Variants in PRKG1 observed in about 807,000 individuals in gnomAD.
PRKG1 encodes the protein cGMP-dependent protein kinase 1.
A neutral mutation model predicts 88.1 loss-of-function variants in PRKG1; 35 were observed. The ratio of observed to expected loss-of-function variants is 0.40; its 90% CI spans 0.30 to 0.53. The LOEUF is 0.53. PRKG1 is among the 20% of genes least tolerant of loss of function. The pLI is 0.59. For missense variants in PRKG1, 540 were observed against 839.8 expected, an observed-to-expected ratio of 0.64 and a Z score of 4.41; for synonymous variants, 303 against 292.5, an observed-to-expected ratio of 1.04 and a Z score of -0.37.
intron 3 of PRKG1, among the ~76,000 whole-genome samples, chr10:51,693,839 A>AT (rs1841212275): frequency 6.6e-6 from 1 of 152,182 alleles, no homozygotes; most frequent in Admixed American, 6.5e-5. Flanking sequence ...GTGAAGGTGA[A>AT]TTTTCAACCA....
At chr10:51,601,246 T>G (rs149876900) in intron 3 of PRKG1, among the ~76,000 whole-genome samples, 2 of 152,126 alleles carry the variant, frequency 1.3e-5, no homozygotes, top group Non-Finnish European at 2.9e-5. Context: ...CATATATTTA[T>G]TGAATGAATG....
chr10:51,037,690 G>C (rs1043320320), intron 1 of PRKG1, among the ~76,000 whole-genome samples: 9 of 152,010 alleles, frequency 5.9e-5, no homozygotes, highest in Non-Finnish European at 2.9e-5. Flanking sequence ...GGCTGAGGCA[G>C]GTGAATAGCT....
In PRKG1 at chr10:51,807,735, G is replaced by A. The variant is rs1052932323; in HGVS notation, c.698+3045G>A. Among the ~76,000 whole-genome samples the A allele has an allele frequency of 5.3e-5, 8 of 152,212 alleles. No individual in the cohort carries two copies. The South Asian group carries it at 1.0e-3, about 20-fold the overall frequency. The stretch of plus-strand genomic sequence containing the variant: ...CTTTGGAATGAGAATCTTAATTTCT[G>A]CATGACAGCTGTCAAACAGAAAAGC... On this transcript the variant is annotated intron_variant, in intron 4 of 17. Coordinates refer to ENST00000373980, the MANE Select transcript of PRKG1 (RefSeq NM_006258.4).
At chr10:52,235,434 A>T (rs1267783162) in intron 9 of PRKG1, among the ~76,000 whole-genome samples, 1 of 143,866 alleles carries the variant, frequency 7.0e-6, no homozygotes, top group Non-Finnish European at 1.5e-5. Flanking sequence ...TCACGTGCAG[A>T]GACACACATA....
At chr10:51,611,486 A>T (rs889013442) in intron 3 of PRKG1, among the ~76,000 whole-genome samples, 55 of 149,766 alleles carry the variant, frequency 3.7e-4, no homozygotes, top group African/African-American at 8.1e-4. Flanking sequence ...CCCTTTTTTA[A>T]AAAAAAAACG....
At chr10:51,094,648 G>A (rs574939634) in intron 1 of PRKG1, among the ~76,000 whole-genome samples, 16 of 151,834 alleles carry the variant, frequency 1.1e-4, no homozygotes, top group African/African-American at 2.7e-4. Context: ...ATAAAAAAAC[G>A]TATCTACATT....
intron 1 of PRKG1, among the ~76,000 whole-genome samples, chr10:51,131,474 C>T (rs111534512): frequency 3.7e-4 from 56 of 152,184 alleles, no homozygotes; most frequent in African/African-American, 1.1e-3. Context: ...GGGCTGGGAG[C>T]GGTGGCTCAT....
chr10:51,717,391 A>G (rs1841911718), intron 3 of PRKG1, among the ~76,000 whole-genome samples: 1 of 152,230 alleles, frequency 6.6e-6, no homozygotes, highest in African/African-American at 2.4e-5. Context: ...GGGGATGCAG[A>G]GCCAAGAGGG....
At chr10:51,977,266 C>T (rs1326229482) in intron 5 of PRKG1, among the ~76,000 whole-genome samples, 1 of 152,032 alleles carries the variant, frequency 6.6e-6, no homozygotes, top group Non-Finnish European at 1.5e-5. Flanking sequence ...TAATGGCCTC[C>T]AGTTCCATCC....
intron 2 of PRKG1, among the ~76,000 whole-genome samples, chr10:51,243,195 G>C (rs1390247309): frequency 6.6e-6 from 1 of 152,156 alleles, no homozygotes. Context: ...TGATGTATCA[G>C]TGAGAGAGCC....
chr10:51,137,518 G>A (rs897811857), intron 1 of PRKG1, among the ~76,000 whole-genome samples: 1 of 152,146 alleles, frequency 6.6e-6, no homozygotes, highest in Admixed American at 6.5e-5. Flanking sequence ...CTTAGGGGTG[G>A]TGAGAAGGTT....
intron 3 of PRKG1, among the ~76,000 whole-genome samples, chr10:51,477,371 C>G (rs984866942): frequency 1.3e-5 from 2 of 150,824 alleles, no homozygotes; most frequent in South Asian, 2.1e-4. Flanking sequence ...AAATTATTCT[C>G]GACTCTCATG....
At chr10:51,917,799 T>G (rs936521598) in intron 5 of PRKG1, among the ~76,000 whole-genome samples, 1 of 152,212 alleles carries the variant, frequency 6.6e-6, no homozygotes, top group Non-Finnish European at 1.5e-5. Context: ...TAATTCTCAG[T>G]GATTTTTATT....
At chr10:52,228,697 G>A (rs1840454156) in intron 9 of PRKG1, among the ~76,000 whole-genome samples, 1 of 152,252 alleles carries the variant, frequency 6.6e-6, no homozygotes, top group South Asian at 2.1e-4. Context: ...AATAACAATA[G>A]TATCATACAC....
Position 51,539,760 on chromosome 10 carries a change from T to C in PRKG1, c.592+71924T>C, listed in dbSNP as rs896220823. On this transcript the variant is annotated intron_variant, in intron 3 of 17. Coordinates refer to ENST00000373980, the MANE Select transcript of PRKG1 (RefSeq NM_006258.4). ...AATGTCACAGTTTAGAAGGATGAAATGAATTTTTTGTCCTACTTCAAATGT... is the reference window on the plus strand; with the variant it reads ...AATGTCACAGTTTAGAAGGATGAAACGAATTTTTTGTCCTACTTCAAATGT... 3.9e-5 allele frequency among the ~76,000 whole-genome samples: 6 copies of C among 152,144 alleles called. No individual in the cohort carries two copies. In the East Asian group the frequency reaches 1.2e-3, roughly 29 times the overall value.
At chr10:52,073,456 C>T (rs1297988100) in intron 7 of PRKG1, among the ~76,000 whole-genome samples, 1 of 152,204 alleles carries the variant, frequency 6.6e-6, no homozygotes, top group East Asian at 1.9e-4. Flanking sequence ...GCCGCAGTCT[C>T]ATGATCAGCT....
intron 3 of PRKG1, among the ~76,000 whole-genome samples, chr10:51,736,697 C>T (rs995362305): frequency 6.6e-6 from 1 of 150,892 alleles, no homozygotes; most frequent in Admixed American, 6.6e-5. Flanking sequence ...TAATCTTGAA[C>T]TCCTGGTTTC....
chr10:52,209,018 C>A (rs187944356), intron 9 of PRKG1, among the ~76,000 whole-genome samples: 1 of 151,930 alleles, frequency 6.6e-6, no homozygotes, highest in Non-Finnish European at 1.5e-5. Flanking sequence ...TGCTTAAGAG[C>A]GAGAAAATGA....
chr10:52,146,981 A>G (rs1837746292), intron 8 of PRKG1, among the ~76,000 whole-genome samples: 1 of 151,918 alleles, frequency 6.6e-6, no homozygotes. Context: ...CACCGTCCTA[A>G]AAGAGTTAGT....
Sources: gnomAD v4.1 joint callset for allele counts (sites outside exome capture counted in the v4.1 genomes callset) on GRCh38, gnomAD v4.1.1 for gene constraint, MANE v1.5 for transcripts, NCBI Gene and HGNC (gene_info 2026-07-23, HGNC 2026-07-21) for gene names.